The following DAAM1 variants were observed in gnomAD, a reference collection of about 807,000 sequenced individuals.
DAAM1 encodes disheveled-associated activator of morphogenesis 1.
Under a neutral mutation model 130.0 loss-of-function variants are expected in DAAM1, and 52 were observed. The ratio of observed to expected loss-of-function variants is 0.40; its 90% CI spans 0.32 to 0.50. The LOEUF (loss-of-function observed/expected upper bound fraction) is 0.50. Ranked by LOEUF, DAAM1 falls within the 20% of genes least tolerant of loss-of-function variation. The pLI is 0.61. For synonymous variants in DAAM1, 452 were observed against 444.5 expected, an observed-to-expected ratio of 1.02 and a Z score of -0.21; for missense variants, 1,134 against 1,303.8, an observed-to-expected ratio of 0.87 and a Z score of 2.01.
intron 16 of DAAM1, among the ~76,000 whole-genome samples, chr14:59,343,954 A>G (rs1413216709): frequency 3.9e-5 from 6 of 152,224 alleles, no homozygotes; most frequent in African/African-American, 1.4e-4. Context: ...TCAGGGAATA[A>G]GCAACTTTTC....
chr14:59,202,227 G>C (rs1888125381), intron 1 of DAAM1, among the ~76,000 whole-genome samples: 1 of 152,194 alleles, frequency 6.6e-6, no homozygotes, highest in Admixed American at 6.5e-5. Flanking sequence ...TGGCGTCATA[G>C]ACGTGGGCAG....
chr14:59,367,558 A>G lies in DAAM1; in HGVS notation c.2956A>G (p.Lys986Glu). 6.2e-7 allele frequency: 1 copy of G among 1,613,810 alleles called. No individual in the cohort carries two copies. Among genetic ancestry groups the G allele is most frequent in the Non-Finnish European group, 8.5e-7 (1 of 1,179,836 alleles). The change falls in exon 24 of 25, where the codon AAA (lysine) becomes GAA (glutamate). Residue 986 changes from lysine (K) to glutamate (E), a missense_variant. Lys to Glu is a moderately conservative substitution (Grantham distance 56). Transcript: ENST00000360909. Reference sequence around the variant, plus strand: ...ACAAGAAAACGAAAATATGAGAAAGAAAAAGGAGGAAGAAGAACGTCGAGC... The same window carrying G: ...ACAAGAAAACGAAAATATGAGAAAGGAAAAGGAGGAAGAAGAACGTCGAGC... Reference protein sequence around the residue: ...AKQENENMRKKKEEEERRARM... With the variant: ...AKQENENMRKEKEEEERRARM...
intron 2 of DAAM1, among the ~76,000 whole-genome samples, chr14:59,272,030 G>T (rs982239692): frequency 2.0e-5 from 3 of 152,236 alleles, no homozygotes; most frequent in South Asian, 2.1e-4. Context: ...GAGTATAAAG[G>T]ATTGCTCTGT....
chr14:59,330,024 C>T (rs1237024338), intron 12 of DAAM1, among the ~76,000 whole-genome samples: 2 of 152,256 alleles, frequency 1.3e-5, no homozygotes, highest in African/African-American at 4.8e-5. Context: ...AGGTGAGACC[C>T]TCCCTTCCAG....
chr14:59,209,106 C>T (rs973591392), intron 1 of DAAM1, among the ~76,000 whole-genome samples: 6 of 152,212 alleles, frequency 3.9e-5, no homozygotes, highest in African/African-American at 1.4e-4. Flanking sequence ...CTTAGTTGCG[C>T]ATGTGCATGT....
chr14:59,277,060 T>G (rs775558108), intron 2 of DAAM1, among the ~76,000 whole-genome samples: 7 of 152,220 alleles, frequency 4.6e-5, no homozygotes, highest in Non-Finnish European at 1.0e-4. Context: ...CTCATTGAAA[T>G]CTATTGATTA....
At chr14:59,289,151 G>A (rs1205871563) in intron 2 of DAAM1, among the ~76,000 whole-genome samples, 1 of 152,006 alleles carries the variant, frequency 6.6e-6, no homozygotes, top group East Asian at 1.9e-4. Context: ...TCCTGACCTC[G>A]TGATCTGCCC....
chr14:59,216,963 G>A (rs1594762135), intron 1 of DAAM1, among the ~76,000 whole-genome samples: 1 of 151,872 alleles, frequency 6.6e-6, no homozygotes, highest in African/African-American at 2.4e-5. Flanking sequence ...CTTGAAAGTT[G>A]AGAGACAATA....
chr14:59,201,290 G>A (rs994295322), intron 1 of DAAM1, among the ~76,000 whole-genome samples: 2 of 152,104 alleles, frequency 1.3e-5, no homozygotes, highest in Non-Finnish European at 2.9e-5. Context: ...GGCTGGGTCT[G>A]GCTGCCTAGC....
At chr14:59,297,475 A>G (rs995675110) in intron 3 of DAAM1, among the ~76,000 whole-genome samples, 5 of 152,202 alleles carry the variant, frequency 3.3e-5, no homozygotes, top group African/African-American at 9.6e-5. Flanking sequence ...TAGTCATACT[A>G]TGTATGCAGA....
chr14:59,331,837 A>G lies in DAAM1; in HGVS notation c.1885A>G (p.Thr629Ala). ...PENKLEGTVW[T>A]EIDDTKVFKI... Reference sequence around the variant, plus strand: ...GAACAAACTGGAAGGAACAGTATGGACCGAAATTGATGATACAAAAGTCTT... The same window carrying G: ...GAACAAACTGGAAGGAACAGTATGGGCCGAAATTGATGATACAAAAGTCTT... Residue 629 changes from threonine to alanine, a missense_variant, in exon 15 of 25, where the codon ACC becomes GCC. By Grantham distance (58) the Thr-to-Ala change is moderately conservative. This residue lies in a region of DAAM1 where 644 missense variants were observed against 695.9 expected (regional missense o/e 0.93). Coordinates refer to ENST00000360909, the MANE Select transcript of DAAM1 (RefSeq NM_001270520.2). 6.2e-7 allele frequency: 1 copy of G among 1,614,140 alleles called. No homozygotes were observed. The highest frequency in any genetic ancestry group is 1.1e-5 in the South Asian group (1 of 91,068).
At chr14:59,354,035 C>G (rs1214249640) in intron 19 of DAAM1, 71 bp downstream of exon 19, 3 of 1,395,258 alleles carry the variant, frequency 2.2e-6, no homozygotes, top group Non-Finnish European at 3.0e-6. Context: ...AATCCAAGTG[C>G]ATATAGTAAA....
chr14:59,206,209 A>G (rs554479567), intron 1 of DAAM1, among the ~76,000 whole-genome samples: 7 of 151,676 alleles, frequency 4.6e-5, no homozygotes, highest in Non-Finnish European at 8.8e-5. Flanking sequence ...TTTTTCCTTA[A>G]CCTCTCTTGA....
chr14:59,294,971 T>C (rs1883899126), intron 3 of DAAM1, among the ~76,000 whole-genome samples: 1 of 152,258 alleles, frequency 6.6e-6, no homozygotes, highest in Non-Finnish European at 1.5e-5. Context: ...CTTTAATTGC[T>C]GTTCTGCTCA....
rs897336094 is a variant in DAAM1, at chr14:59,263,513, A to T, written c.36A>T (p.Ser12=). Reference sequence around the variant, plus strand: ...GAAAGAGAGGTGGACGAGGTATTTCATTCATCTTTTGCTGTTTCCGAAATA... The same window carrying T: ...GAAAGAGAGGTGGACGAGGTATTTCTTTCATCTTTTGCTGTTTCCGAAATA... ...APRKRGGRGI[S]FIFCCFRNND... is the part of the protein sequence containing the mutation. Residue 12 remains serine (S), a synonymous_variant, in exon 2 of 25, where the codon TCA becomes TCT. Transcript: ENST00000360909. 2.5e-6 allele frequency: 4 copies of T among 1,614,244 alleles called. No homozygotes were observed. Among genetic ancestry groups the T allele is most frequent in the Non-Finnish European group, 3.4e-6 (4 of 1,180,036 alleles).
intron 3 of DAAM1, among the ~76,000 whole-genome samples, chr14:59,292,850 T>C (rs1184364308): frequency 6.6e-6 from 1 of 152,158 alleles, no homozygotes; most frequent in Non-Finnish European, 1.5e-5. Context: ...AATGTCTTCC[T>C]CTCCTCTTCT....
At chr14:59,319,663 G>A (rs1884930018) in intron 4 of DAAM1, among the ~76,000 whole-genome samples, 1 of 152,152 alleles carries the variant, frequency 6.6e-6, no homozygotes, top group African/African-American at 2.4e-5. Flanking sequence ...AGTGCAACCA[G>A]GTGATCACAG....
intron 1 of DAAM1, among the ~76,000 whole-genome samples, chr14:59,236,715 C>G (rs951069106): frequency 3.9e-5 from 6 of 152,224 alleles, no homozygotes; most frequent in Middle Eastern, 3.4e-3. Flanking sequence ...TGTGATGACT[C>G]AGGGTGGGTA....
chr14:59,368,895 G>A lies in DAAM1; in HGVS notation c.*36G>A, dbSNP rs1038792931. 2.5e-6 allele frequency: 4 copies of A among 1,596,330 alleles called. No individual in the cohort carries two copies. Among genetic ancestry groups the A allele is most frequent in the Non-Finnish European group, 1.7e-6 (2 of 1,168,554 alleles). ...ATACTTTTTTTTAGAAAGCTCATTAGCAGCCCTCTAAAGTGACTAGAACGT... is the reference window on the plus strand; with the variant it reads ...ATACTTTTTTTTAGAAAGCTCATTAACAGCCCTCTAAAGTGACTAGAACGT... On this transcript the variant is annotated 3_prime_UTR_variant, in exon 25 of 25. Transcript: ENST00000360909.
Sources: gnomAD v4.1 joint callset for allele counts (sites outside exome capture counted in the v4.1 genomes callset) on GRCh38, gnomAD v4.1.1 for gene constraint, gnomAD v4.1.1 regional missense constraint, MANE v1.5 for transcripts, NCBI Gene and HGNC (gene_info 2026-07-23, HGNC 2026-07-21) for gene names.